DISC1: variants seen among roughly 807,000 people sequenced by gnomAD.
DISC1 encodes disrupted in schizophrenia 1 protein.
In DISC1, 57 loss-of-function variants were observed where a neutral mutation model predicts 84.5. The ratio of observed to expected loss-of-function variants is 0.67; its 90% CI spans 0.55 to 0.84. The LOEUF (loss-of-function observed/expected upper bound fraction) is 0.84. Ranked by LOEUF, DISC1 falls within the 40% of genes least tolerant of loss-of-function variation. The pLI is 0.00. For synonymous variants in DISC1, 411 were observed against 415.2 expected, an observed-to-expected ratio of 0.99 and a Z score of 0.12; for missense variants, 1,000 against 1,057.8, an observed-to-expected ratio of 0.95 and a Z score of 0.76.
At chr1:231,819,496 A>G (rs2081332727) in intron 9 of DISC1, among the ~76,000 whole-genome samples, 1 of 152,224 alleles carries the variant, frequency 6.6e-6, no homozygotes, top group Non-Finnish European at 1.5e-5. Flanking sequence ...ATCAAAGAGT[A>G]TGTTCAGTAG....
At chr1:231,894,506 CT>C (rs1001161150) in intron 9 of DISC1, among the ~76,000 whole-genome samples, 1 of 151,818 alleles carries the variant, frequency 6.6e-6, no homozygotes, top group African/African-American at 2.4e-5. Flanking sequence ...TCTTTTCCTT[CT>C]TTTTTTTCTA....
At chr1:231,944,221 G>A (rs768723131) in intron 9 of DISC1, among the ~76,000 whole-genome samples, 6 of 152,188 alleles carry the variant, frequency 3.9e-5, no homozygotes, top group Non-Finnish European at 5.9e-5. Flanking sequence ...AGACACTCCA[G>A]CATGTGTGTC....
At chr1:231,710,430 C>T (rs1410823079) in intron 3 of DISC1, among the ~76,000 whole-genome samples, 1 of 152,184 alleles carries the variant, frequency 6.6e-6, no homozygotes, top group Non-Finnish European at 1.5e-5. Flanking sequence ...CCCAAATTGA[C>T]ATGTACCTTC....
At chr1:231,977,827 C>G (rs953161971) in intron 10 of DISC1, among the ~76,000 whole-genome samples, 1 of 152,144 alleles carries the variant, frequency 6.6e-6, no homozygotes, top group African/African-American at 2.4e-5. Context: ...CATTATCATA[C>G]CTAAAAACAT....
chr1:231,884,133 A>G (rs1342620607), intron 9 of DISC1, among the ~76,000 whole-genome samples: 1 of 152,106 alleles, frequency 6.6e-6, no homozygotes, highest in Admixed American at 6.5e-5. Context: ...GTGCGGGGTG[A>G]TGGTGCAGTT....
intron 9 of DISC1, among the ~76,000 whole-genome samples, chr1:231,901,102 C>T (rs772314519): frequency 3.9e-5 from 6 of 152,062 alleles, no homozygotes; most frequent in Non-Finnish European, 7.4e-5. Context: ...TTGAATAAAC[C>T]AATTGGCAGT....
intron 8 of DISC1, among the ~76,000 whole-genome samples, chr1:231,815,343 C>T (rs1323701115): frequency 2.0e-5 from 3 of 152,080 alleles, no homozygotes; most frequent in African/African-American, 7.2e-5. Flanking sequence ...CAGTCATCAT[C>T]GTCCCTCCTC....
chr1:232,035,179 G>A (rs1273922146), intron 12 of DISC1, among the ~76,000 whole-genome samples: 1 of 152,196 alleles, frequency 6.6e-6, no homozygotes, highest in African/African-American at 2.4e-5. Flanking sequence ...GCTGGGCATG[G>A]TGGCTCATGC....
chr1:231,812,202 C>T (rs1254199438), intron 8 of DISC1, among the ~76,000 whole-genome samples: 1 of 152,118 alleles, frequency 6.6e-6, no homozygotes, highest in African/African-American at 2.4e-5. Flanking sequence ...ACTAAAGGTG[C>T]ATACCACCAT....
chr1:232,018,457 A>G (rs1668677158), intron 11 of DISC1, among the ~76,000 whole-genome samples: 1 of 152,202 alleles, frequency 6.6e-6, no homozygotes, highest in African/African-American at 2.4e-5. Context: ...CAGGCTAGCA[A>G]CTGAATGCTT....
chr1:231,672,146 G>GT (rs1035039915), intron 1 of DISC1, among the ~76,000 whole-genome samples: 2 of 151,916 alleles, frequency 1.3e-5, no homozygotes, highest in Non-Finnish European at 1.5e-5. Flanking sequence ...CTTAGATTCT[G>GT]TTTTTTTTCT....
intron 3 of DISC1, among the ~76,000 whole-genome samples, chr1:231,710,233 T>C (rs965598845): frequency 3.3e-5 from 5 of 152,024 alleles, no homozygotes; most frequent in African/African-American, 1.2e-4. Context: ...TCCCAGCTAC[T>C]CGGAAGGTGG....
At chr1:231,716,918 A>G (rs2068818185) in intron 3 of DISC1, among the ~76,000 whole-genome samples, 1 of 152,180 alleles carries the variant, frequency 6.6e-6, no homozygotes, top group South Asian at 2.1e-4. Context: ...GTGTCTGGGC[A>G]CTTAATTAAA....
At chr1:231,981,232 C>T (rs752640684) in intron 10 of DISC1, among the ~76,000 whole-genome samples, 1 of 152,230 alleles carries the variant, frequency 6.6e-6, no homozygotes, top group Non-Finnish European at 1.5e-5. Flanking sequence ...GTATGAGCCA[C>T]TGTGCCTGGC....
At chr1:231,971,830 C>T (rs1661998117) in intron 10 of DISC1, among the ~76,000 whole-genome samples, 1 of 152,162 alleles carries the variant, frequency 6.6e-6, no homozygotes, top group African/African-American at 2.4e-5. Context: ...AGCTCCCATT[C>T]ATCACAAAAG....
intron 12 of DISC1, among the ~76,000 whole-genome samples, chr1:232,035,707 G>A (rs200440098): frequency 2.0e-4 from 31 of 152,136 alleles, no homozygotes; most frequent in Non-Finnish European, 3.7e-4. Flanking sequence ...GTCCCTGTTG[G>A]ATGAAAGTGG....
At chr1:231,689,264 T>C (rs1229402894) in intron 1 of DISC1, among the ~76,000 whole-genome samples, 1 of 152,222 alleles carries the variant, frequency 6.6e-6, no homozygotes, top group African/African-American at 2.4e-5. Context: ...GCATTTTCCC[T>C]TCAGGAGACC....
At chr1:231,901,493 G>T (rs2088174303) in intron 9 of DISC1, among the ~76,000 whole-genome samples, 1 of 152,098 alleles carries the variant, frequency 6.6e-6, no homozygotes, top group South Asian at 2.1e-4. Flanking sequence ...CCTAATTGGG[G>T]TATGTCACTA....
At chr1:231,893,931 C>T (rs1372893799) in intron 9 of DISC1, among the ~76,000 whole-genome samples, 6 of 152,168 alleles carry the variant, frequency 3.9e-5, no homozygotes, top group African/African-American at 1.2e-4. Flanking sequence ...CAGTGGCTTC[C>T]AAGGATCTTC....
Sources: allele counts gnomAD v4.1 joint callset (sites outside exome capture counted in the v4.1 genomes callset), GRCh38; gene constraint gnomAD v4.1.1; transcripts MANE v1.5; gene names NCBI Gene and HGNC (gene_info 2026-07-23, HGNC 2026-07-21).